The following FOXK2 variants were observed in gnomAD, a reference collection of about 807,000 sequenced individuals.
FOXK2 encodes forkhead box protein K2.
In FOXK2, 24 loss-of-function variants were observed where a neutral mutation model predicts 53.3. That is an observed-to-expected ratio of 0.45 (90% CI 0.33 to 0.63). FOXK2 has a LOEUF of 0.63. Among genes scored for constraint, FOXK2 ranks in the 30% least tolerant of loss-of-function variants. The pLI is 0.03. For synonymous variants in FOXK2, 505 were observed against 407.1 expected (o/e 1.24, Z -2.89); for missense variants, 952 against 910.5 (o/e 1.05, Z -0.59).
At chr17:82,540,523 G>A (rs2044564960) in intron 1 of FOXK2, among the ~76,000 whole-genome samples, 1 of 152,014 alleles carries the variant, frequency 6.6e-6, no homozygotes, top group African/African-American at 2.4e-5. Context: ...GGATGCTTGG[G>A]GATGGTTTGT....
chr17:82,539,193 G>A (rs1157156753), intron 1 of FOXK2, among the ~76,000 whole-genome samples: 2 of 151,348 alleles, frequency 1.3e-5, no homozygotes, highest in Non-Finnish European at 2.9e-5. Context: ...GTGGCCGGGC[G>A]TGGTGGCTCA....
intron 4 of FOXK2, chr17:82,578,114 T>C (rs1159473688): frequency 6.6e-6 from 1 of 152,348 alleles, no homozygotes; most frequent in Non-Finnish European, 1.5e-5. Flanking sequence ...TCCTGGACAT[T>C]AGACCCATCC....
intron 7 of FOXK2, 26 bp downstream of exon 7, chr17:82,586,226 GGGAGACCACAGGGA>G: frequency 7.9e-7 from 1 of 1,262,994 alleles, no homozygotes; most frequent in Non-Finnish European, 1.0e-6. Context: ...AGGAGGAGAG[GGGAGACCACAGGGA>G]GGTGAAAGGT....
intron 4 of FOXK2, among the ~76,000 whole-genome samples, chr17:82,575,032 A>G (rs1046408866): frequency 3.2e-4 from 48 of 152,248 alleles, no homozygotes; most frequent in African/African-American, 1.1e-3. Flanking sequence ...GTCAGTACAG[A>G]GTCTTATTTT....
intron 1 of FOXK2, among the ~76,000 whole-genome samples, chr17:82,538,082 G>T (rs1163387099): frequency 6.6e-6 from 1 of 152,022 alleles, no homozygotes; most frequent in Non-Finnish European, 1.5e-5. Flanking sequence ...AATTAGCTGG[G>T]CATGATGGTC....
At chr17:82,564,791 T>C (rs60488670) in intron 2 of FOXK2, among the ~76,000 whole-genome samples, 65,446 of 149,408 alleles carry the variant, frequency 0.44, 14,561 homozygotes, top group South Asian at 0.55. Context: ...GAGTCCAATG[T>C]GCGGTCTTGG....
At chr17:82,544,999 C>T (rs902428151) in intron 1 of FOXK2, among the ~76,000 whole-genome samples, 3 of 152,134 alleles carry the variant, frequency 2.0e-5, no homozygotes, top group Non-Finnish European at 4.4e-5. Flanking sequence ...CGATCTGCCC[C>T]GTCTGTCCTA....
intron 1 of FOXK2, among the ~76,000 whole-genome samples, chr17:82,531,497 G>A (rs145974776): frequency 1.2e-3 from 175 of 152,116 alleles, no homozygotes; most frequent in Non-Finnish European, 2.0e-3. Flanking sequence ...ATTGTTGTGC[G>A]AACATCATAG....
chr17:82,584,730 G>A (rs1487053304), intron 6 of FOXK2, among the ~76,000 whole-genome samples: 2 of 151,990 alleles, frequency 1.3e-5, no homozygotes, highest in African/African-American at 4.8e-5. Flanking sequence ...ATTTTTAGTA[G>A]AGACAGGGTT....
intron 1 of FOXK2, among the ~76,000 whole-genome samples, chr17:82,562,017 T>C (rs2044801079): frequency 6.6e-6 from 1 of 152,192 alleles, no homozygotes; most frequent in African/African-American, 2.4e-5. Flanking sequence ...TTTGCGTTGT[T>C]TGTGGACATA....
At chr17:82,525,285 T>C (rs1415669236) in intron 1 of FOXK2, among the ~76,000 whole-genome samples, 1 of 152,192 alleles carries the variant, frequency 6.6e-6, no homozygotes, top group Non-Finnish European at 1.5e-5. Flanking sequence ...CAAGCAATTC[T>C]TCTGTCTCAG....
intron 1 of FOXK2, among the ~76,000 whole-genome samples, chr17:82,523,889 G>A (rs2144037374): frequency 6.6e-6 from 1 of 152,252 alleles, no homozygotes; most frequent in South Asian, 2.1e-4. Flanking sequence ...GTAACTTAGA[G>A]TAATTATGTA....
intron 1 of FOXK2, among the ~76,000 whole-genome samples, chr17:82,558,905 C>T (rs2044761279): frequency 6.6e-6 from 1 of 152,100 alleles, no homozygotes; most frequent in Non-Finnish European, 1.5e-5. Flanking sequence ...TGCCACCACG[C>T]CTGGCTAGTT....
chr17:82,592,393 T>C (rs1293206600), intron 8 of FOXK2, among the ~76,000 whole-genome samples: 2 of 152,226 alleles, frequency 1.3e-5, no homozygotes, highest in Non-Finnish European at 2.9e-5. Context: ...TTTCTTTCTG[T>C]CACCTTCTTA....
At position 82,584,479 on chromosome 17, in the gene FOXK2, C is replaced by T. The variant is rs543671897; in HGVS notation, c.1279+291C>T. Among the ~76,000 whole-genome samples, 10 of 149,212 alleles carry T rather than the reference C, an allele frequency of 6.7e-5. No individual in the cohort carries two copies. The East Asian group carries it at 1.6e-3, about 24-fold the overall frequency. ...AAACAGCCCCCGCACCCCCACCCCC[C>T]GCAAAAAAATCAAAACAAAACAAAA... is the stretch of plus-strand genomic sequence containing the variant. On this transcript the variant is annotated intron_variant, in intron 6 of 8. Transcript: ENST00000335255.
At chr17:82,554,456 T>A (rs564638056) in intron 1 of FOXK2, among the ~76,000 whole-genome samples, 32 of 152,160 alleles carry the variant, frequency 2.1e-4, no homozygotes, top group Admixed American at 1.1e-3. Flanking sequence ...AACAGGAGAA[T>A]GAGAGAGCCA....
At chr17:82,527,450 G>T (rs1022364536) in intron 1 of FOXK2, among the ~76,000 whole-genome samples, 1 of 151,940 alleles carries the variant, frequency 6.6e-6, no homozygotes, top group African/African-American at 2.4e-5. Context: ...CCAACATGGC[G>T]AAACTCCGAC....
chr17:82,581,393 G>A lies in FOXK2; in HGVS notation c.910-1348G>A, dbSNP rs147208878. On this transcript the variant is annotated intron_variant, in intron 4 of 8. Transcript: ENST00000335255. ...GGGCTCACTGCAACCTCCTCCTCTC[G>A]GCTTCAAGCAATTCTTCAGCTTCAG... Among the ~76,000 whole-genome samples, 261 of 152,052 alleles carry A rather than the reference G, an allele frequency of 1.7e-3. 2 individuals are homozygous for A. The highest frequency in any genetic ancestry group is 5.9e-3 in the African/African-American group (246 of 41,474).
rs192587733 is a variant in FOXK2, at chr17:82,586,770, G to A, written c.1577-293G>A. On this transcript the variant is annotated intron_variant, in intron 7 of 8. Coordinates refer to ENST00000335255, the MANE Select transcript of FOXK2 (RefSeq NM_004514.4). ...TACAAAATCAGCTGGGCATGGTGGC[G>A]GGTGCCTGTAATCCCAGCTACTCGG... is the stretch of plus-strand genomic sequence containing the variant. Among the ~76,000 whole-genome samples, 291 of 152,154 alleles carry A rather than the reference G, an allele frequency of 1.9e-3. 1 individual carries two copies. Among genetic ancestry groups the A allele is most frequent in the Non-Finnish European group, 2.6e-3 (180 of 67,968 alleles).
Sources: allele counts gnomAD v4.1 joint callset (sites outside exome capture counted in the v4.1 genomes callset), GRCh38; gene constraint gnomAD v4.1.1; transcripts MANE v1.5; gene names NCBI Gene and HGNC (gene_info 2026-07-23, HGNC 2026-07-21).